The following ANTXR2 variants were observed in gnomAD, a reference collection of about 807,000 sequenced individuals.
ANTXR2 encodes ANTXR cell adhesion molecule 2.
ANTXR2 carries 44 observed loss-of-function variants against 73.7 expected under a neutral mutation model. The ratio of observed to expected loss-of-function variants is 0.60; its 90% CI spans 0.47 to 0.77. The LOEUF is 0.77. Ranked by LOEUF, ANTXR2 falls within the 30% of genes least tolerant of loss-of-function variation. ANTXR2 has a pLI of 0.00. For missense variants in ANTXR2, 604 were observed against 592.5 expected, an observed-to-expected ratio of 1.02 and a Z score of -0.20; for synonymous variants, 217 against 205.9, an observed-to-expected ratio of 1.05 and a Z score of -0.46.
intron 7 of ANTXR2, among the ~76,000 whole-genome samples, chr4:80,037,804 G>T (rs1336661158): frequency 6.6e-6 from 1 of 152,024 alleles, no homozygotes; most frequent in African/African-American, 2.4e-5. Context: ...AAGCTGAAAA[G>T]GTTCCAACTA....
At chr4:80,025,852 G>A (rs1446917972) in intron 10 of ANTXR2, among the ~76,000 whole-genome samples, 1 of 152,104 alleles carries the variant, frequency 6.6e-6, no homozygotes, top group Non-Finnish European at 1.5e-5. Flanking sequence ...AACAAAAATT[G>A]CAGTTAGCAA....
chr4:79,912,874 C>T (rs932201228), intron 16 of ANTXR2, among the ~76,000 whole-genome samples: 2 of 152,004 alleles, frequency 1.3e-5, no homozygotes, highest in African/African-American at 4.8e-5. Flanking sequence ...AAAATGGTAA[C>T]TAAAAATATG....
At chr4:79,984,970 T>C (rs1730062910) in intron 12 of ANTXR2, 107 bp from the exon 13 acceptor site, 3 of 911,170 alleles carry the variant, frequency 3.3e-6, no homozygotes, top group African/African-American at 1.7e-5. Flanking sequence ...TCCAAAGAAG[T>C]CCCTCACTGA....
At chr4:79,930,086 C>G (rs1162542808) in intron 16 of ANTXR2, among the ~76,000 whole-genome samples, 3 of 152,142 alleles carry the variant, frequency 2.0e-5, no homozygotes, top group Admixed American at 2.0e-4. Context: ...ACCTCCAACA[C>G]CCATAATCAT....
chr4:80,004,187 A>T (rs1351624728), intron 12 of ANTXR2, among the ~76,000 whole-genome samples: 2 of 152,114 alleles, frequency 1.3e-5, no homozygotes, highest in East Asian at 1.9e-4. Flanking sequence ...GATTCCATTT[A>T]TATAACATTT....
chr4:79,954,481 G>T (rs575442058), intron 16 of ANTXR2, among the ~76,000 whole-genome samples: 2 of 152,248 alleles, frequency 1.3e-5, no homozygotes, highest in South Asian at 2.1e-4. Context: ...CCAGTGACAG[G>T]CATCTGTAGT....
intron 11 of ANTXR2, among the ~76,000 whole-genome samples, chr4:80,013,088 G>C (rs911203385): frequency 6.6e-6 from 1 of 151,522 alleles, no homozygotes; most frequent in Non-Finnish European, 1.5e-5. Context: ...GTGATTCCAA[G>C]AGAAAAAAAA....
chr4:80,054,227 AT>A (rs764301819), intron 7 of ANTXR2, 44 bp downstream of exon 7: 1 of 1,439,614 alleles, frequency 6.9e-7, no homozygotes, highest in Non-Finnish European at 9.5e-7. Context: ...GATTAAAAAA[AT>A]ATACAAGGTT....
intron 16 of ANTXR2, among the ~76,000 whole-genome samples, chr4:79,913,323 TTTC>T (rs1191097301): frequency 2.0e-5 from 3 of 152,184 alleles, no homozygotes; most frequent in Non-Finnish European, 2.9e-5. Context: ...CCATCAGCAT[TTTC>T]TTCTTATCAT....
chr4:79,998,467 C>T (rs1355425177), intron 12 of ANTXR2, among the ~76,000 whole-genome samples: 1 of 151,976 alleles, frequency 6.6e-6, no homozygotes, highest in Non-Finnish European at 1.5e-5. Flanking sequence ...ATCTGTAATT[C>T]ATCTGGACTG....
intron 16 of ANTXR2, among the ~76,000 whole-genome samples, chr4:79,927,079 G>T (rs1454572285): frequency 7.5e-6 from 1 of 134,162 alleles, no homozygotes; most frequent in East Asian, 2.2e-4. Flanking sequence ...ATATATATAT[G>T]AATATTATTC....
intron 3 of ANTXR2, among the ~76,000 whole-genome samples, chr4:80,060,642 T>A (rs1322112902): frequency 1.3e-5 from 2 of 152,196 alleles, no homozygotes; most frequent in African/African-American, 2.4e-5. Flanking sequence ...TACAGTATAT[T>A]ATTATAAATG....
chr4:79,916,739 G>A (rs962771085), intron 16 of ANTXR2, among the ~76,000 whole-genome samples: 2 of 152,038 alleles, frequency 1.3e-5, no homozygotes, highest in African/African-American at 4.8e-5. Context: ...GAAAGAATGA[G>A]GAAAATTTCT....
chr4:80,062,172 C>T (rs189827353), intron 3 of ANTXR2, among the ~76,000 whole-genome samples: 1 of 152,112 alleles, frequency 6.6e-6, no homozygotes, highest in Non-Finnish European at 1.5e-5. Context: ...AGAGTCCAGA[C>T]CAGCAAATCC....
intron 16 of ANTXR2, among the ~76,000 whole-genome samples, chr4:79,962,042 T>C (rs1560910837): frequency 6.6e-6 from 1 of 152,176 alleles, no homozygotes; most frequent in Non-Finnish European, 1.5e-5. Flanking sequence ...ATTTAAATGA[T>C]TAAATTTTGC....
In ANTXR2 at chr4:79,903,754, T is replaced by C. The variant is rs1414934384; in HGVS notation, c.*3675A>G. The C allele has an allele frequency of 1.3e-5, 2 of 152,200 alleles. No individual in the cohort carries two copies. Among genetic ancestry groups the C allele is most frequent in the Non-Finnish European group, 1.5e-5 (1 of 68,038 alleles). 9.4% of individuals were successfully genotyped at this position (152,200 alleles called of 1,614,324 possible). On this transcript the variant is annotated 3_prime_UTR_variant, in exon 17 of 17. Coordinates refer to ENST00000403729, the MANE Select transcript of ANTXR2 (RefSeq NM_058172.6). ...ACAACATTCTCCAGCCTCACCTGCC[T>C]GTTTCTTTCCTTAACTATGTAACAG...
intron 11 of ANTXR2, 61 bp downstream of exon 11, chr4:80,018,837 A>G: frequency 7.9e-7 from 1 of 1,263,514 alleles, no homozygotes. Context: ...CCAAAGATCC[A>G]TAGATTATTT....
chr4:80,048,742 A>G (rs1322541594), intron 7 of ANTXR2, among the ~76,000 whole-genome samples: 1 of 151,692 alleles, frequency 6.6e-6, no homozygotes, highest in African/African-American at 2.4e-5. Context: ...GTGTTAGACA[A>G]TATAAAATAT....
chr4:79,905,369 C>A lies in ANTXR2; in HGVS notation c.*2060G>T, dbSNP rs934903096. 1 of 152,138 alleles carries A rather than the reference C, an allele frequency of 6.6e-6. No homozygotes were observed. The highest frequency in any genetic ancestry group is 2.1e-4 in the South Asian group (1 of 4,838). 9.4% of individuals were successfully genotyped at this position (152,138 alleles called of 1,614,324 possible). On this transcript the variant is annotated 3_prime_UTR_variant, in exon 17 of 17. Coordinates refer to ENST00000403729, the MANE Select transcript of ANTXR2 (RefSeq NM_058172.6). ...TGCAGAACAAAGGGATACAATAACT[C>A]ATTGCAGAAAGGGTTGGGTATACTA...
Sources: allele counts gnomAD v4.1 joint callset (sites outside exome capture counted in the v4.1 genomes callset), GRCh38; gene constraint gnomAD v4.1.1; transcripts MANE v1.5; gene names NCBI Gene and HGNC (gene_info 2026-07-23, HGNC 2026-07-21).